Variants in VMP1 observed in about 807,000 individuals in gnomAD.
VMP1 encodes the protein vacuole membrane protein 1.
In VMP1, 11 loss-of-function variants were observed where a neutral mutation model predicts 56.0. That is an observed-to-expected ratio of 0.20 (90% CI 0.12 to 0.32). VMP1 has a LOEUF of 0.32. Ranked by LOEUF, VMP1 falls within the 10% of genes least tolerant of loss-of-function variation. VMP1 has a pLI of 1.00. For synonymous variants in VMP1, 149 were observed against 165.0 expected (o/e 0.90, Z 0.74); for missense variants, 296 against 490.3 (o/e 0.60, Z 3.74).
intron 5 of VMP1, among the ~76,000 whole-genome samples, chr17:59,755,390 G>A (rs1228841149): frequency 3.3e-5 from 5 of 151,868 alleles, no homozygotes; most frequent in East Asian, 1.9e-4. Flanking sequence ...GATTACAGGC[G>A]TGAGCCACCA....
chr17:59,721,491 G>A (rs2143748238), intron 1 of VMP1, among the ~76,000 whole-genome samples: 1 of 152,312 alleles, frequency 6.6e-6, no homozygotes, highest in African/African-American at 2.4e-5. Flanking sequence ...TGATGAAGAT[G>A]ATAATAAGTA....
chr17:59,797,851 G>C (rs1038530154), intron 7 of VMP1, among the ~76,000 whole-genome samples: 1 of 152,208 alleles, frequency 6.6e-6, no homozygotes, highest in South Asian at 2.1e-4. Context: ...TGCAGCCTGG[G>C]CAACAAGAGC....
chr17:59,786,586 T>C (rs1221936473), intron 7 of VMP1, among the ~76,000 whole-genome samples: 6 of 152,204 alleles, frequency 3.9e-5, no homozygotes, highest in Non-Finnish European at 5.9e-5. Flanking sequence ...TGATGAACCT[T>C]TACTGGTTGT....
rs546951739 is a variant in VMP1 at position 59,769,019 on chromosome 17, G to A, written c.582+3881G>A. Among the ~76,000 whole-genome samples, 88 of 151,838 alleles carry A rather than the reference G, an allele frequency of 5.8e-4. 1 individual carries two copies. Among genetic ancestry groups the A allele is most frequent in the Admixed American group, 2.6e-4 (4 of 15,252 alleles). On this transcript the variant is annotated intron_variant, in intron 6 of 11. Transcript: ENST00000262291. ...GTCTGTAATCCCAGCTACTCAGGAC[G>A]CTGAGGTGGGAGAATTGCTTGAACC...
intron 4 of VMP1, 49 bp downstream of exon 4, chr17:59,737,592 T>C: frequency 6.7e-7 from 1 of 1,501,428 alleles, no homozygotes; most frequent in Non-Finnish European, 9.1e-7. Context: ...TCTCTAATTC[T>C]CTAATCTCAG....
At chr17:59,772,021 CT>C (rs543949321) in intron 6 of VMP1, among the ~76,000 whole-genome samples, 1 of 150,270 alleles carries the variant, frequency 6.7e-6, no homozygotes, top group African/African-American at 2.4e-5. Context: ...TCTCTTTTTT[CT>C]TTTTTTTTGG....
chr17:59,749,500 C>T (rs2143896625), intron 5 of VMP1, among the ~76,000 whole-genome samples: 1 of 151,724 alleles, frequency 6.6e-6, no homozygotes, highest in Admixed American at 6.6e-5. Flanking sequence ...TACTGAAGCT[C>T]AAGTTTAAAT....
intron 5 of VMP1, among the ~76,000 whole-genome samples, chr17:59,744,264 C>G (rs1199505884): frequency 2.0e-5 from 3 of 151,254 alleles, no homozygotes; most frequent in Non-Finnish European, 3.0e-5. Context: ...AATTTGAGAC[C>G]AGCCTGGCCA....
At chr17:59,713,339 A>G (rs2034006587) in intron 1 of VMP1, among the ~76,000 whole-genome samples, 1 of 152,128 alleles carries the variant, frequency 6.6e-6, no homozygotes, top group Non-Finnish European at 1.5e-5. Context: ...AACATGGCAC[A>G]TGTATACATA....
intron 7 of VMP1, among the ~76,000 whole-genome samples, chr17:59,803,192 T>C (rs140399793): frequency 2.0e-5 from 3 of 152,366 alleles, no homozygotes; most frequent in African/African-American, 7.2e-5. Context: ...TGCAGACTGT[T>C]ATTAGCCTTG....
At chr17:59,722,317 T>TAGTATCATGTA (rs928673576) in intron 1 of VMP1, among the ~76,000 whole-genome samples, 17 of 152,348 alleles carry the variant, frequency 1.1e-4, no homozygotes, top group African/African-American at 4.1e-4. Context: ...CATGATGCTG[T>TAGTATCATGTA]GTGCCCCAGT....
At chr17:59,833,256 C>A (rs1200345413) in intron 10 of VMP1, among the ~76,000 whole-genome samples, 1 of 151,964 alleles carries the variant, frequency 6.6e-6, no homozygotes, top group Non-Finnish European at 1.5e-5. Context: ...GCTGTAATTT[C>A]TATTTTTATC....
intron 6 of VMP1, among the ~76,000 whole-genome samples, chr17:59,772,793 T>C (rs2036474387): frequency 6.6e-6 from 1 of 151,700 alleles, no homozygotes; most frequent in Admixed American, 6.6e-5. Context: ...AAAGAAAACT[T>C]ATTCATCCTA....
intron 6 of VMP1, among the ~76,000 whole-genome samples, chr17:59,769,020 CTGAGG>C (rs2036334469): frequency 6.6e-6 from 1 of 151,624 alleles, no homozygotes; most frequent in Non-Finnish European, 1.5e-5. Context: ...ACTCAGGACG[CTGAGG>C]TGGGAGAATT....
At chr17:59,758,087 C>G (rs2035912390) in intron 5 of VMP1, among the ~76,000 whole-genome samples, 1 of 151,870 alleles carries the variant, frequency 6.6e-6, no homozygotes, top group Admixed American at 6.6e-5. Context: ...AGTGAGTGTC[C>G]CGCCTCAGCC....
rs1383183007 is a variant in VMP1 at position 59,793,804 on chromosome 17, T to G, written c.715-14992T>G. Reference sequence around the variant, plus strand: ...ACCATGCCCGTTTAATTTTTGTGTTTTTAGTAGAGACAGGGTTTCACCTTG... The same window carrying G: ...ACCATGCCCGTTTAATTTTTGTGTTGTTAGTAGAGACAGGGTTTCACCTTG... On this transcript the variant is annotated intron_variant, in intron 7 of 11. Coordinates refer to ENST00000262291, the MANE Select transcript of VMP1 (RefSeq NM_030938.5). 3.6e-5 allele frequency among the ~76,000 whole-genome samples: 2 copies of G among 55,632 alleles called. 1 individual carries two copies. Among genetic ancestry groups the G allele is most frequent in the African/African-American group, 7.1e-5 (2 of 28,202 alleles). The allele number at this position is 55,632 out of a possible 152,430, so 36.5% of individuals were successfully genotyped here. A position where few individuals can be genotyped will look rare whatever the true frequency, so the allele number is the denominator to read the frequency against.
intron 5 of VMP1, among the ~76,000 whole-genome samples, chr17:59,751,532 A>G (rs2035641972): frequency 6.6e-6 from 1 of 150,408 alleles, no homozygotes; most frequent in Admixed American, 6.6e-5. Context: ...ACCTGAGGTC[A>G]GGAGTTTGAG....
intron 7 of VMP1, among the ~76,000 whole-genome samples, chr17:59,797,444 A>G (rs919271209): frequency 2.0e-5 from 3 of 152,200 alleles, no homozygotes; most frequent in African/African-American, 7.2e-5. Context: ...TGATATACCT[A>G]TACAATGGAA....
At chr17:59,774,645 T>G (rs576444260) in intron 7 of VMP1, among the ~76,000 whole-genome samples, 2 of 152,188 alleles carry the variant, frequency 1.3e-5, no homozygotes, top group Admixed American at 6.6e-5. Flanking sequence ...AGTAGAACTT[T>G]TTCTTTCTTT....
Sources: allele counts gnomAD v4.1 joint callset (sites outside exome capture counted in the v4.1 genomes callset), GRCh38; gene constraint gnomAD v4.1.1; transcripts MANE v1.5; gene names NCBI Gene and HGNC (gene_info 2026-07-23, HGNC 2026-07-21).